Variants in ELMO1 observed in about 807,000 individuals in gnomAD.
ELMO1 encodes the protein engulfment and cell motility 1.
A neutral mutation model predicts 98.9 loss-of-function variants in ELMO1; 26 were observed. The ratio of observed to expected loss-of-function variants is 0.26; its 90% CI spans 0.19 to 0.36. The LOEUF (loss-of-function observed/expected upper bound fraction) is 0.36. Ranked by LOEUF, ELMO1 falls within the 10% of genes least tolerant of loss-of-function variation. The pLI, the probability that ELMO1 is intolerant of heterozygous loss-of-function variation, is 1.00. For missense variants in ELMO1, 627 were observed against 935.2 expected, an observed-to-expected ratio of 0.67 and a Z score of 4.30; for synonymous variants, 346 against 346.0, an observed-to-expected ratio of 1.00 and a Z score of 0.00.
chr7:36,953,706 C>T (rs1788190672), intron 16 of ELMO1, among the ~76,000 whole-genome samples: 1 of 152,096 alleles, frequency 6.6e-6, no homozygotes, highest in Non-Finnish European at 1.5e-5. Context: ...GAACATGTAA[C>T]AGTCTTAGCC....
At chr7:37,053,285 AACACACACACACAC>A (rs59573752) in intron 15 of ELMO1, among the ~76,000 whole-genome samples, 1,454 of 138,868 alleles carry the variant, frequency 0.01, 18 homozygotes, top group African/African-American at 0.032. Flanking sequence ...CATTTGTTAA[AACACACACACACAC>A]ACACACACAC....
At chr7:37,049,174 T>A (rs1266982529) in intron 15 of ELMO1, among the ~76,000 whole-genome samples, 2 of 152,170 alleles carry the variant, frequency 1.3e-5, no homozygotes, top group Non-Finnish European at 2.9e-5. Flanking sequence ...GCACCTAATG[T>A]ACCACCTTGG....
intron 15 of ELMO1, among the ~76,000 whole-genome samples, chr7:37,041,118 A>G (rs1795481708): frequency 6.6e-6 from 1 of 151,846 alleles, no homozygotes; most frequent in Non-Finnish European, 1.5e-5. Context: ...AATAAAAGCT[A>G]TATGGGAGTA....
intron 15 of ELMO1, among the ~76,000 whole-genome samples, chr7:37,087,510 A>C (rs982048795): frequency 6.6e-6 from 1 of 152,024 alleles, no homozygotes; most frequent in African/African-American, 2.4e-5. Context: ...ATTATGAAAC[A>C]CTATTTTAAC....
chr7:36,861,619 A>C, intron 21 of ELMO1, 40 bp downstream of exon 21: 1 of 1,578,426 alleles, frequency 6.3e-7, no homozygotes. Context: ...TTGAGAAAAG[A>C]TAACATTATC....
chr7:37,084,679 A>C (rs980032491), intron 15 of ELMO1, among the ~76,000 whole-genome samples: 3 of 152,104 alleles, frequency 2.0e-5, no homozygotes, highest in African/African-American at 7.2e-5. Context: ...TGTGCTTATT[A>C]TTGACTCTGG....
chr7:37,276,100 G>A (rs1796817854), intron 4 of ELMO1, among the ~76,000 whole-genome samples: 1 of 152,292 alleles, frequency 6.6e-6, no homozygotes. Context: ...GGTGCAAGTG[G>A]CATGGCTGTC....
Position 37,123,556 on chromosome 7 carries a change from C to T in ELMO1, c.1191+9574G>A, listed in dbSNP as rs557240809. ...ATCTAGAAGAAATGGATAAATTCCT[C>T]GACACATACACCCTCCCAAGACTAA... On this transcript the variant is annotated intron_variant, in intron 14 of 21. Coordinates refer to ENST00000310758, the MANE Select transcript of ELMO1 (RefSeq NM_014800.11). Among the ~76,000 whole-genome samples the T allele has an allele frequency of 9.9e-5, 15 of 152,186 alleles. No homozygotes were observed. In the South Asian group the frequency reaches 1.7e-3, roughly 17 times the overall value.
intron 13 of ELMO1, among the ~76,000 whole-genome samples, chr7:37,150,440 T>TAAA (rs10652093): frequency 2.0e-5 from 3 of 146,916 alleles, no homozygotes; most frequent in African/African-American, 2.5e-5. Flanking sequence ...ACTACTACAC[T>TAAA]AAAAAAAAAA....
intron 19 of ELMO1, among the ~76,000 whole-genome samples, chr7:36,876,379 A>G (rs1803975410): frequency 6.7e-6 from 1 of 148,286 alleles, no homozygotes; most frequent in African/African-American, 2.5e-5. Flanking sequence ...TAAACTTTAG[A>G]TTTTATTTTT....
chr7:37,197,597 A>G (rs1239730779), intron 13 of ELMO1, among the ~76,000 whole-genome samples: 3 of 152,050 alleles, frequency 2.0e-5, no homozygotes, highest in Non-Finnish European at 4.4e-5. Flanking sequence ...GGATAAAGAT[A>G]GAAGGCATGC....
intron 15 of ELMO1, among the ~76,000 whole-genome samples, chr7:37,062,019 T>A (rs1235418186): frequency 6.6e-6 from 1 of 152,230 alleles, no homozygotes; most frequent in Non-Finnish European, 1.5e-5. Context: ...GCATTCAACC[T>A]GCAGCATCCT....
Position 37,384,632 on chromosome 7 carries a change from G to A in ELMO1, c.-73-41869C>T, listed in dbSNP as rs201219728. ...CCACTCGGGAGACTGAGGCAGGAGA[G>A]TGGCGTGAACCCGGGAGGCGGAGCT... On this transcript the variant is annotated intron_variant, in intron 1 of 21. Coordinates refer to ENST00000310758, the MANE Select transcript of ELMO1 (RefSeq NM_014800.11). Among the ~76,000 whole-genome samples the A allele has an allele frequency of 7.2e-5, 11 of 152,082 alleles. No individual in the cohort carries two copies. In the East Asian group the frequency reaches 1.9e-3, roughly 27 times the overall value.
chr7:37,412,082 T>C lies in ELMO1; in HGVS notation c.-74+36593A>G, dbSNP rs116436526. 3.5e-3 allele frequency among the ~76,000 whole-genome samples: 536 copies of C among 152,360 alleles called. 2 individuals are homozygous for C. Among genetic ancestry groups the C allele is most frequent in the African/African-American group, 0.012 (509 of 41,586 alleles). On this transcript the variant is annotated intron_variant, in intron 1 of 21. Coordinates refer to ENST00000310758, the MANE Select transcript of ELMO1 (RefSeq NM_014800.11). The stretch of plus-strand genomic sequence containing the variant: ...CAAAATGTTTTGGAAGAAATTATTC[T>C]AACCATCATTCAGTGCTACACATCA...
At chr7:37,282,729 C>A (rs547765432) in intron 4 of ELMO1, among the ~76,000 whole-genome samples, 2 of 152,346 alleles carry the variant, frequency 1.3e-5, no homozygotes, top group East Asian at 3.9e-4. Flanking sequence ...GAGGCTCTAG[C>A]CTTGCAGGGG....
At chr7:37,407,491 G>C (rs536853919) in intron 1 of ELMO1, among the ~76,000 whole-genome samples, 213 of 141,404 alleles carry the variant, frequency 1.5e-3, no homozygotes, top group African/African-American at 4.9e-3. Context: ...CTGGGCGAAA[G>C]AGTGAAACTC....
chr7:37,019,292 A>T lies in ELMO1; in HGVS notation c.1301-5857T>A, dbSNP rs116867638. 6.5e-4 allele frequency among the ~76,000 whole-genome samples: 99 copies of T among 152,224 alleles called. 1 individual carries two copies. The East Asian group carries it at 0.019, about 28-fold the overall frequency. On this transcript the variant is annotated intron_variant, in intron 15 of 21. Coordinates refer to ENST00000310758, the MANE Select transcript of ELMO1 (RefSeq NM_014800.11). The stretch of plus-strand genomic sequence containing the variant: ...TGCCATCATTCTAAGATTCTTGAAG[A>T]CTCCTCCTTTGCAGGGAGATACAGG...
In ELMO1 at chr7:37,342,769, G is replaced by T; in HGVS notation, c.-73-6C>A. The T allele has an allele frequency of 1.6e-6, 2 of 1,254,304 alleles. No individual in the cohort carries two copies. Among genetic ancestry groups the T allele is most frequent in the Non-Finnish European group, 2.2e-6 (2 of 896,606 alleles). 77.7% of individuals were successfully genotyped at this position (1,254,304 alleles called of 1,614,324 possible). ...ACGGCCACACGTGTCTATACCTAATGAGGAATGACAGAAAAAGAAAGAGAA... is the reference window on the plus strand; with the variant it reads ...ACGGCCACACGTGTCTATACCTAATTAGGAATGACAGAAAAAGAAAGAGAA... On this transcript the variant is annotated splice_polypyrimidine_tract_variant and splice_region_variant and intron_variant, in intron 1 of 21. Coordinates refer to ENST00000310758, the MANE Select transcript of ELMO1 (RefSeq NM_014800.11). The surrounding 1 kb of genome is among the most constrained non-coding windows in gnomAD (Gnocchi z 4.3).
intron 1 of ELMO1, among the ~76,000 whole-genome samples, chr7:37,442,093 G>A (rs1483078920): frequency 2.6e-5 from 4 of 152,164 alleles, no homozygotes; most frequent in Non-Finnish European, 5.9e-5. Context: ...GGAGACATCT[G>A]GGGTTGTCAC....
Sources: allele counts gnomAD v4.1 joint callset (sites outside exome capture counted in the v4.1 genomes callset), GRCh38; gene constraint gnomAD v4.1.1; non-coding constraint Gnocchi (gnomAD v3.1); transcripts MANE v1.5; gene names NCBI Gene and HGNC (gene_info 2026-07-23, HGNC 2026-07-21).